UTP20: variants seen among roughly 807,000 people sequenced by gnomAD.
UTP20 encodes the protein small subunit processome component 20 homolog.
UTP20 carries 164 observed loss-of-function variants against 329.5 expected under a neutral mutation model. That is an observed-to-expected ratio of 0.50 (90% CI 0.44 to 0.57). The LOEUF is 0.57. Among genes scored for constraint, UTP20 ranks in the 20% least tolerant of loss-of-function variants. The pLI is 0.00. For synonymous variants in UTP20, 1,151 were observed against 1,159.3 expected (o/e 0.99, Z 0.14); for missense variants, 3,055 against 3,284.2 (o/e 0.93, Z 1.71).
At chr12:101,344,296 A>G (rs933220953) in intron 35 of UTP20, among the ~76,000 whole-genome samples, 10 of 152,236 alleles carry the variant, frequency 6.6e-5, no homozygotes, top group Non-Finnish European at 1.5e-4. Context: ...AACTGGCTTT[A>G]GTGAACCTTT....
chr12:101,311,969 C>CT (rs1872807132), intron 20 of UTP20, 67 bp from the exon 21 acceptor site: 2 of 1,602,016 alleles, frequency 1.2e-6, no homozygotes, highest in Non-Finnish European at 1.7e-6. Flanking sequence ...AATGCCCTCT[C>CT]TTGAGAAAAC....
At chr12:101,359,120 G>A (rs1869824729) in intron 43 of UTP20, among the ~76,000 whole-genome samples, 1 of 152,098 alleles carries the variant, frequency 6.6e-6, no homozygotes, top group African/African-American at 2.4e-5. Context: ...AGGCTGGAGT[G>A]CACTGCGATC....
Position 101,366,718 on chromosome 12 carries a change from A to T in UTP20, c.6267+19A>T. 3 of 1,608,284 alleles carry T rather than the reference A, an allele frequency of 1.9e-6. No individual in the cohort carries two copies. Among genetic ancestry groups the T allele is most frequent in the Non-Finnish European group, 1.7e-6 (2 of 1,176,312 alleles). On this transcript the variant is annotated intron_variant, in intron 47 of 61. Coordinates refer to ENST00000261637, the MANE Select transcript of UTP20 (RefSeq NM_014503.3). ...GCTTCGGGTAAGAATTAACCTTAAA[A>T]TGAGACTTGCTACTTTCAGGGAGTC...
intron 2 of UTP20, among the ~76,000 whole-genome samples, chr12:101,282,506 CA>C (rs201019821): frequency 0.015 from 2,218 of 151,810 alleles, 22 homozygotes; most frequent in South Asian, 0.031. Context: ...GGCAAGGGGG[CA>C]ACTGGTGAGA....
chr12:101,313,778 A>T (rs1406312319), intron 21 of UTP20, among the ~76,000 whole-genome samples: 1 of 151,936 alleles, frequency 6.6e-6, no homozygotes. Context: ...AGAATCAAGG[A>T]TGTTCCCTAA....
intron 8 of UTP20, 127 bp downstream of exon 8, chr12:101,291,015 CAT>C (rs760045101): frequency 3.0e-6 from 3 of 1,013,152 alleles, no homozygotes; most frequent in Non-Finnish European, 2.7e-6. Context: ...CTTCTGTACA[CAT>C]ATTAAAATTT....
chr12:101,301,533 T>C (rs1872522635), intron 14 of UTP20, among the ~76,000 whole-genome samples: 1 of 152,148 alleles, frequency 6.6e-6, no homozygotes, highest in South Asian at 2.1e-4. Context: ...CTGGGTATGA[T>C]AGCACATGCC....
At chr12:101,297,314 C>T (rs1872388769) in intron 12 of UTP20, among the ~76,000 whole-genome samples, 1 of 152,196 alleles carries the variant, frequency 6.6e-6, no homozygotes, top group Admixed American at 6.5e-5. Flanking sequence ...CTCCAGGGCC[C>T]AAGCTATCCT....
At chr12:101,370,382 T>G (rs1335495674) in intron 49 of UTP20, 50 bp from the exon 50 acceptor site, 2 of 1,582,894 alleles carry the variant, frequency 1.3e-6, no homozygotes, top group Non-Finnish European at 1.7e-6. Flanking sequence ...TTTCACTGGA[T>G]CCCAACTGTG....
chr12:101,328,068 T>G (rs1868628778), intron 26 of UTP20, among the ~76,000 whole-genome samples: 1 of 152,198 alleles, frequency 6.6e-6, no homozygotes, highest in South Asian at 2.1e-4. Flanking sequence ...GTCCCCAAAT[T>G]GCTTTGCTTG....
At chr12:101,320,570 AAGAG>A (rs1415198792) in intron 23 of UTP20, among the ~76,000 whole-genome samples, 1 of 151,808 alleles carries the variant, frequency 6.6e-6, no homozygotes, top group African/African-American at 2.4e-5. Flanking sequence ...AAAAAAGAGA[AAGAG>A]AGAGAGGATT....
chr12:101,296,432 G>A (rs1010043674), intron 12 of UTP20, among the ~76,000 whole-genome samples: 1 of 152,162 alleles, frequency 6.6e-6, no homozygotes, highest in Non-Finnish European at 1.5e-5. Context: ...TTAGCCAGGC[G>A]TGGTGGCGGA....
chr12:101,309,151 C>G (rs1355434775), intron 18 of UTP20, among the ~76,000 whole-genome samples: 1 of 152,162 alleles, frequency 6.6e-6, no homozygotes, highest in Non-Finnish European at 1.5e-5. Flanking sequence ...CAGTTCTTCT[C>G]TTACCTGTTT....
At chr12:101,296,831 T>A (rs1360813853) in intron 12 of UTP20, among the ~76,000 whole-genome samples, 2 of 152,236 alleles carry the variant, frequency 1.3e-5, no homozygotes, top group African/African-American at 4.8e-5. Context: ...ATTACTTTCT[T>A]AATTTCATTC....
At chr12:101,328,950 A>C (rs1298931281) in intron 26 of UTP20, among the ~76,000 whole-genome samples, 1 of 151,754 alleles carries the variant, frequency 6.6e-6, no homozygotes, top group Non-Finnish European at 1.5e-5. Flanking sequence ...AAGAAATTGG[A>C]TGAGAATTAG....
chr12:101,308,052 G>T, intron 17 of UTP20, 133 bp from the exon 18 acceptor site: 3 of 735,628 alleles, frequency 4.1e-6, no homozygotes, highest in Non-Finnish European at 5.7e-6. Flanking sequence ...AAAAAAAAAA[G>T]TGTTACTTAT....
chr12:101,380,503 G>A lies in UTP20; in HGVS notation c.7585-637G>A, dbSNP rs866144706. 2.0e-5 allele frequency among the ~76,000 whole-genome samples: 3 copies of A among 152,294 alleles called. No individual in the cohort carries two copies. In the East Asian group the frequency reaches 5.8e-4, roughly 29 times the overall value. ...GGAACCCCATAAATATTGAATGAGT[G>A]GAGGGTAGAAGGGAAGAAAAGAGGA... On this transcript the variant is annotated intron_variant, in intron 57 of 61. Transcript: ENST00000261637.
At chr12:101,281,295 A>G in intron 2 of UTP20, 99 bp downstream of exon 2, 1 of 1,037,326 alleles carries the variant, frequency 9.6e-7, no homozygotes, top group South Asian at 1.5e-5. Flanking sequence ...TCCTTTTTGG[A>G]CATGAAATGC....
chr12:101,297,754 G>A (rs1291991691), intron 12 of UTP20, among the ~76,000 whole-genome samples: 1 of 152,210 alleles, frequency 6.6e-6, no homozygotes, highest in Admixed American at 6.5e-5. Context: ...TGTGCAGGGA[G>A]AGTGAAGCTG....
Sources: gnomAD v4.1 joint callset for allele counts (sites outside exome capture counted in the v4.1 genomes callset) on GRCh38, gnomAD v4.1.1 for gene constraint, MANE v1.5 for transcripts, NCBI Gene and HGNC (gene_info 2026-07-23, HGNC 2026-07-21) for gene names.